Variants in NR2C2 observed in about 807,000 individuals in gnomAD.
The protein encoded by NR2C2 is nuclear receptor subfamily 2 group C member 2.
Under a neutral mutation model 62.9 loss-of-function variants are expected in NR2C2, and 6 were observed. The observed-to-expected ratio is 0.10, with a 90% CI of 0.05 to 0.19. NR2C2 has a LOEUF of 0.19. Ranked by LOEUF, NR2C2 falls within the 10% of genes least tolerant of loss-of-function variation. NR2C2 has a pLI of 1.00. For synonymous variants in NR2C2, 272 were observed against 273.8 expected (o/e 0.99, Z 0.07); for missense variants, 479 against 762.7 (o/e 0.63, Z 4.38).
At chr3:15,003,623 C>T (rs2041084672) in intron 1 of NR2C2, among the ~76,000 whole-genome samples, 1 of 152,210 alleles carries the variant, frequency 6.6e-6, no homozygotes, top group African/African-American at 2.4e-5. Context: ...GTGCAGAGCA[C>T]AACTGCAAAT....
At chr3:14,981,476 G>A (rs1006110117) in intron 1 of NR2C2, among the ~76,000 whole-genome samples, 3 of 151,802 alleles carry the variant, frequency 2.0e-5, no homozygotes, top group African/African-American at 2.4e-5. Context: ...GGTGGTGGGC[G>A]CCTGTACTCC....
intron 11 of NR2C2, among the ~76,000 whole-genome samples, chr3:15,036,080 C>G (rs1408109617): frequency 6.6e-6 from 1 of 151,962 alleles, no homozygotes; most frequent in East Asian, 1.9e-4. Flanking sequence ...ATTCCAGCTA[C>G]TCGGGAGGCT....
At chr3:14,957,171 T>C (rs796129892) in intron 1 of NR2C2, among the ~76,000 whole-genome samples, 1 of 152,222 alleles carries the variant, frequency 6.6e-6, no homozygotes, top group Non-Finnish European at 1.5e-5. Context: ...GTAGATACTT[T>C]GCATGTTATA....
At chr3:15,016,120 G>C (rs776155847) in intron 3 of NR2C2, 32 bp from the exon 4 acceptor site, 16 of 1,538,690 alleles carry the variant, frequency 1.0e-5, no homozygotes, top group African/African-American at 1.4e-5. Context: ...ATTTTTAATT[G>C]GCACCCCTGT....
At chr3:14,955,584 G>T (rs996447035) in intron 1 of NR2C2, among the ~76,000 whole-genome samples, 1 of 152,150 alleles carries the variant, frequency 6.6e-6, no homozygotes, top group African/African-American at 2.4e-5. Flanking sequence ...GATTTGAAAC[G>T]AGTTACAAGT....
chr3:14,980,610 AAAT>A (rs2125325971), intron 1 of NR2C2, among the ~76,000 whole-genome samples: 1 of 152,326 alleles, frequency 6.6e-6, no homozygotes, highest in South Asian at 2.1e-4. Context: ...GAACTAACAA[AAAT>A]AATAACAGTC....
At chr3:14,961,396 G>A (rs909357408) in intron 1 of NR2C2, among the ~76,000 whole-genome samples, 4 of 152,130 alleles carry the variant, frequency 2.6e-5, no homozygotes, top group African/African-American at 9.7e-5. Flanking sequence ...TTGAGGGAGG[G>A]CAGGCAAATG....
At chr3:14,965,910 C>G (rs13070481) in intron 1 of NR2C2, among the ~76,000 whole-genome samples, 22,942 of 152,052 alleles carry the variant, frequency 0.15, 1,838 homozygotes, top group African/African-American at 0.19. Flanking sequence ...CTCAGGTAAT[C>G]TGCCTGCCTC....
At chr3:14,981,830 T>C (rs995823544) in intron 1 of NR2C2, among the ~76,000 whole-genome samples, 2 of 152,058 alleles carry the variant, frequency 1.3e-5, no homozygotes, top group African/African-American at 4.8e-5. Flanking sequence ...TGGAGTTCGA[T>C]GTTCGAGGGC....
Position 14,997,058 on chromosome 3 carries a change from C to A in NR2C2, c.-39-6818C>A, listed in dbSNP as rs573129822. On this transcript the variant is annotated intron_variant, in intron 1 of 13. Transcript: ENST00000425241. ...ATACAGTCACAAACCAAATGTGAAC[C>A]ACATAATGACGGTTCTGTCAGTGCT... is the stretch of plus-strand genomic sequence containing the variant. Among the ~76,000 whole-genome samples the A allele has an allele frequency of 3.7e-4, 56 of 152,338 alleles. No individual in the cohort carries two copies. In the East Asian group the frequency reaches 0.01, roughly 27 times the overall value.
chr3:15,048,587 T>C lies in NR2C2; in HGVS notation c.*5579T>C, dbSNP rs1477987296. 6.6e-6 allele frequency: 1 copy of C among 152,642 alleles called. No homozygotes were observed. The highest frequency in any genetic ancestry group is 1.5e-5 in the Non-Finnish European group (1 of 68,036). 9.5% of individuals were successfully genotyped at this position (152,642 alleles called of 1,614,324 possible). On this transcript the variant is annotated 3_prime_UTR_variant, in exon 14 of 14. Coordinates refer to ENST00000425241, the MANE Select transcript of NR2C2 (RefSeq NM_001291694.2). Reference sequence around the variant, plus strand: ...TGTTTGGAATAACATTTGGAAGTAGTAGACTTTGCATTAAAAAATGGCTTT... The same window carrying C: ...TGTTTGGAATAACATTTGGAAGTAGCAGACTTTGCATTAAAAAATGGCTTT...
At chr3:15,032,643 A>C (rs1371724131) in intron 10 of NR2C2, 143 bp downstream of exon 10, 2 of 948,778 alleles carry the variant, frequency 2.1e-6, no homozygotes, top group Admixed American at 2.6e-5. Context: ...TATTAAATAT[A>C]GTTAGTGGAC....
At chr3:15,026,320 GCTTT>G (rs1485777648) in intron 7 of NR2C2, 1 of 151,926 alleles carries the variant, frequency 6.6e-6, no homozygotes, top group African/African-American at 2.4e-5. Context: ...ACTACCCCTG[GCTTT>G]CTTTTTTAAT....
At chr3:15,031,303 C>T (rs1157062029) in intron 9 of NR2C2, among the ~76,000 whole-genome samples, 1 of 152,158 alleles carries the variant, frequency 6.6e-6, no homozygotes, top group African/African-American at 2.4e-5. Context: ...ACAGGACACT[C>T]AGAGGGTACC....
intron 8 of NR2C2, among the ~76,000 whole-genome samples, chr3:15,030,011 T>C (rs2125056412): frequency 6.6e-6 from 1 of 152,256 alleles, no homozygotes; most frequent in Middle Eastern, 3.4e-3. Context: ...CCTAAGATGA[T>C]GTGTAGATAA....
intron 1 of NR2C2, among the ~76,000 whole-genome samples, chr3:14,965,129 G>A (rs911998849): frequency 6.6e-6 from 1 of 151,902 alleles, no homozygotes; most frequent in Non-Finnish European, 1.5e-5. Context: ...CAGTGGCCCC[G>A]GCCTGGAATC....
intron 1 of NR2C2, among the ~76,000 whole-genome samples, chr3:14,977,355 A>G (rs2040235901): frequency 6.6e-6 from 1 of 152,254 alleles, no homozygotes; most frequent in Non-Finnish European, 1.5e-5. Context: ...CATAGCACAT[A>G]GAAAGTAATA....
At chr3:14,974,410 A>G (rs1213260480) in intron 1 of NR2C2, among the ~76,000 whole-genome samples, 2 of 152,076 alleles carry the variant, frequency 1.3e-5, no homozygotes, top group Admixed American at 6.5e-5. Flanking sequence ...GGATTTTTCT[A>G]TTTCTGTAAA....
chr3:15,014,470 A>AT (rs11341102), intron 3 of NR2C2, among the ~76,000 whole-genome samples: 9,325 of 149,318 alleles, frequency 0.062, 358 homozygotes, highest in East Asian at 0.13. Flanking sequence ...GTTGTGTTTC[A>AT]TTTTTTTTTT....
Sources: gnomAD v4.1 joint callset for allele counts (sites outside exome capture counted in the v4.1 genomes callset) on GRCh38, gnomAD v4.1.1 for gene constraint, MANE v1.5 for transcripts, NCBI Gene and HGNC (gene_info 2026-07-23, HGNC 2026-07-21) for gene names.